The following CCNA1 variants were observed in gnomAD, a reference collection of about 807,000 sequenced individuals.
CCNA1 encodes cyclin A1.
CCNA1 carries 23 observed loss-of-function variants against 54.1 expected under a neutral mutation model. The observed-to-expected ratio is 0.42, with a 90% confidence interval of 0.31 to 0.60. CCNA1 has a LOEUF of 0.60. CCNA1 is among the 20% of genes least tolerant of loss of function. CCNA1 has a pLI of 0.14. For synonymous variants in CCNA1, 208 were observed against 213.9 expected, an observed-to-expected ratio of 0.97 and a Z score of 0.24; for missense variants, 450 against 556.7, an observed-to-expected ratio of 0.81 and a Z score of 1.93.
chr13:36,438,443 C>A (rs1441591403), intron 4 of CCNA1, among the ~76,000 whole-genome samples: 2 of 152,086 alleles, frequency 1.3e-5, no homozygotes, highest in Non-Finnish European at 2.9e-5. Flanking sequence ...CCCCTGCCCC[C>A]CCAACCCCAG....
In CCNA1 at chr13:36,437,777, G is replaced by C. The variant is rs2055824387; in HGVS notation, c.446G>C (p.Ser149Thr). 1 of 1,614,150 alleles carries C rather than the reference G, an allele frequency of 6.2e-7. No individual in the cohort carries two copies. The highest frequency in any genetic ancestry group is 8.5e-7 in the Non-Finnish European group (1 of 1,180,000). Residue 149 changes from serine (S) to threonine (T), a missense_variant, in exon 3 of 9, where the codon AGC becomes ACC. Transcript: ENST00000255465. ...GAACTAGAGCAGGGGGACAGAGACA[G>C]CTGCTCGGTCAGAGAGGGGATGGCA...
chr13:36,441,010 G>A, intron 6 of CCNA1, 108 bp from the exon 7 acceptor site: 1 of 569,078 alleles, frequency 1.8e-6, no homozygotes, highest in Non-Finnish European at 3.1e-6. Context: ...TTTTGTAGAT[G>A]CCGACTGAAC....
intron 7 of CCNA1, among the ~76,000 whole-genome samples, chr13:36,441,958 T>C (rs994867111): frequency 3.9e-5 from 6 of 152,146 alleles, no homozygotes; most frequent in African/African-American, 1.2e-4. Flanking sequence ...CAGCCCCAAA[T>C]TGAGCATTAT....
At position 36,441,174 on chromosome 13, in the gene CCNA1, A is replaced by C. The variant is rs180874885; in HGVS notation, c.1155A>C (p.Ser385=). The change falls in exon 7 of 9, where the codon TCA becomes TCC. Residue 385 remains serine, a synonymous_variant. Coordinates refer to ENST00000255465, the MANE Select transcript of CCNA1 (RefSeq NM_003914.4). Reference sequence around the variant, plus strand: ...ATCCATTCTTGAAATATCTTCCTTCACTGATAGCTGCAGCAGCTTTTTGCC... The same window carrying C: ...ATCCATTCTTGAAATATCTTCCTTCCCTGATAGCTGCAGCAGCTTTTTGCC... 3 of 1,613,356 alleles carry C rather than the reference A, an allele frequency of 1.9e-6. No homozygotes were observed. The highest frequency in any genetic ancestry group is 3.3e-5 in the Admixed American group (2 of 59,996).
chr13:36,437,580 T>C, intron 2 of CCNA1, 49 bp from the exon 3 acceptor site: 1 of 1,591,358 alleles, frequency 6.3e-7, no homozygotes, highest in Non-Finnish European at 8.6e-7. Flanking sequence ...TCACATTGCC[T>C]CTGTGGTCTT....
At position 36,441,104 on chromosome 13, in the gene CCNA1, TCTC is replaced by T; in HGVS notation, c.1099-13_1099-11del. 1 of 1,414,766 alleles carries T rather than the reference TCTC, an allele frequency of 7.1e-7. No individual in the cohort carries two copies. Among genetic ancestry groups the T allele is most frequent in the Non-Finnish European group, 9.9e-7 (1 of 1,010,362 alleles). The allele number at this position is 1,414,766 out of a possible 1,614,324, so 87.6% of individuals were successfully genotyped here. Reference sequence around the variant, plus strand: ...CATTTCTAATTCCAATGTGTTTTCTTCTCTTGTGCTTAGTACGTAGCAGAGCTG... The same window carrying T: ...CATTTCTAATTCCAATGTGTTTTCTTTTGTGCTTAGTACGTAGCAGAGCTG... On this transcript the variant is annotated splice_polypyrimidine_tract_variant and intron_variant, in intron 6 of 8. Transcript: ENST00000255465.
Position 36,438,669 on chromosome 13 carries a change from A to G in CCNA1, c.695A>G (p.Tyr232Cys). 2 of 1,613,970 alleles carry G rather than the reference A, an allele frequency of 1.2e-6. No homozygotes were observed. Among genetic ancestry groups the G allele is most frequent in the African/African-American group, 1.3e-5 (1 of 75,046 alleles). Residue 232 changes from tyrosine (Y) to cysteine (C), a missense_variant, in exon 5 of 9, where the codon TAC becomes TGC. Tyr to Cys is a radical substitution (Grantham distance 194). Coordinates refer to ENST00000255465, the MANE Select transcript of CCNA1 (RefSeq NM_003914.4). ...ATAAGGCACAGACCCAAAGCACACT[A>G]CATGAAGAAGCAGCCAGACATCACG...
rs955135160 is a variant in CCNA1 at position 36,442,832 on chromosome 13, G to A, written c.*167G>A. ...TTAGACTTTAGTAGTTTGTAATATAGTCCAACATTTTTTAAACAATAAACT... is the reference window on the plus strand; with the variant it reads ...TTAGACTTTAGTAGTTTGTAATATAATCCAACATTTTTTAAACAATAAACT... On this transcript the variant is annotated 3_prime_UTR_variant, in exon 9 of 9. Coordinates refer to ENST00000255465, the MANE Select transcript of CCNA1 (RefSeq NM_003914.4). The A allele has an allele frequency of 1.7e-6, 1 of 600,840 alleles. No individual in the cohort carries two copies. Among genetic ancestry groups the A allele is most frequent in the Non-Finnish European group, 2.9e-6 (1 of 341,228 alleles). 37.2% of individuals were successfully genotyped at this position (600,840 alleles called of 1,614,324 possible).
At position 36,442,717 on chromosome 13, in the gene CCNA1, ATAATC is replaced by A. The variant is rs1196958272; in HGVS notation, c.*53_*57del. 2 of 1,424,586 alleles carry A rather than the reference ATAATC, an allele frequency of 1.4e-6. No individual in the cohort carries two copies. Among genetic ancestry groups the A allele is most frequent in the Admixed American group, 1.7e-5 (1 of 59,096 alleles). The allele number at this position is 1,424,586 out of a possible 1,614,324, so 88.2% of individuals were successfully genotyped here. A position where few individuals can be genotyped will look rare whatever the true frequency, so the allele number is the denominator to read the frequency against. On this transcript the variant is annotated 3_prime_UTR_variant, in exon 9 of 9. Transcript: ENST00000255465. Reference sequence around the variant, plus strand: ...CTTCACCTCCATATCAGAAGTGCCAATAATCGTCATAGGCTTCTGCACGTTGGATC... The same window carrying A: ...CTTCACCTCCATATCAGAAGTGCCAAGTCATAGGCTTCTGCACGTTGGATC...
At chr13:36,440,528 A>G (rs1277735361) in intron 6 of CCNA1, among the ~76,000 whole-genome samples, 1 of 152,216 alleles carries the variant, frequency 6.6e-6, no homozygotes, top group Non-Finnish European at 1.5e-5. Context: ...TTTTAGTCTC[A>G]TCCTAATATA....
chr13:36,433,348 T>C, intron 2 of CCNA1, 127 bp downstream of exon 2: 1 of 456,278 alleles, frequency 2.2e-6, no homozygotes, highest in Non-Finnish European at 3.7e-6. Context: ...GAATCTGGAC[T>C]ACAGGAAAGT....
chr13:36,439,442 C>T (rs963836321), intron 5 of CCNA1, among the ~76,000 whole-genome samples: 8 of 152,038 alleles, frequency 5.3e-5, no homozygotes, highest in African/African-American at 1.2e-4. Flanking sequence ...GAAAAACTTG[C>T]CAAAATTCCC....
chr13:36,434,260 T>C (rs1049773209), intron 2 of CCNA1, among the ~76,000 whole-genome samples: 4 of 152,342 alleles, frequency 2.6e-5, no homozygotes, highest in East Asian at 3.9e-4. Context: ...TAACTGATCA[T>C]AGATACCTTA....
At chr13:36,434,929 A>G (rs886560811) in intron 2 of CCNA1, among the ~76,000 whole-genome samples, 1 of 148,436 alleles carries the variant, frequency 6.7e-6, no homozygotes, top group African/African-American at 2.5e-5. Flanking sequence ...TTTCTTTTCT[A>G]CTGGGCCAAA....
At position 36,441,219 on chromosome 13, in the gene CCNA1, C is replaced by T; in HGVS notation, c.1200C>T (p.Asn400=). Residue 400 remains asparagine, a synonymous_variant, in exon 7 of 9, where the codon AAC becomes AAT. Transcript: ENST00000255465. ...TTTGCCTGGCAAACTATACTGTGAACAAGCACTTTTGGGTAAGATTCTAAC... is the reference window on the plus strand; with the variant it reads ...TTTGCCTGGCAAACTATACTGTGAATAAGCACTTTTGGGTAAGATTCTAAC... The T allele has an allele frequency of 6.3e-7, 1 of 1,599,244 alleles. No individual in the cohort carries two copies. The highest frequency in any genetic ancestry group is 8.6e-7 in the Non-Finnish European group (1 of 1,166,826).
At chr13:36,441,068 G>T in intron 6 of CCNA1, 50 bp from the exon 7 acceptor site, 1 of 969,630 alleles carries the variant, frequency 1.0e-6, no homozygotes, top group Non-Finnish European at 1.6e-6. Flanking sequence ...GCTTACTTGT[G>T]ACCTTAGTCA....
At position 36,440,177 on chromosome 13, in the gene CCNA1, G is replaced by C; in HGVS notation, c.1092G>C (p.Leu364=). Residue 364 remains leucine (L), a synonymous_variant, in exon 6 of 9, where the codon CTG becomes CTC. Coordinates refer to ENST00000255465, the MANE Select transcript of CCNA1 (RefSeq NM_003914.4). Reference sequence around the variant, plus strand: ...GAGTGTGCGTCAGGACTGAGAACCTGGCTAAGGTGTGTATGCCGCGTGATT... The same window carrying C: ...GAGTGTGCGTCAGGACTGAGAACCTCGCTAAGGTGTGTATGCCGCGTGATT... The C allele has an allele frequency of 6.2e-7, 1 of 1,613,850 alleles. No individual in the cohort carries two copies. Among genetic ancestry groups the C allele is most frequent in the Non-Finnish European group, 8.5e-7 (1 of 1,179,736 alleles).
chr13:36,433,304 G>C (rs906188195), intron 2 of CCNA1, 83 bp downstream of exon 2: 9 of 1,035,836 alleles, frequency 8.7e-6, no homozygotes, highest in Non-Finnish European at 1.3e-5. Context: ...TCTTGCCCTT[G>C]TACCTACAAC....
In CCNA1 at chr13:36,433,443, G is replaced by GTTCGTTCT. The variant is rs1491577879; in HGVS notation, c.297+225_297+226insGTTCTTTC. Among the ~76,000 whole-genome samples, 416 of 53,806 alleles carry GTTCGTTCT rather than the reference G, an allele frequency of 7.7e-3. 15 individuals carry two copies. The highest frequency in any genetic ancestry group is 0.025 in the African/African-American group (403 of 16,130). 35.3% of individuals were successfully genotyped at this position (53,806 alleles called of 152,430 possible). A position where few individuals can be genotyped will look rare whatever the true frequency, so the allele number is the denominator to read the frequency against. ...CTTTCTTTCTTTCTTTCTTTCTTTCGTTCTTTCTTTCTTTCTTTTCTTTCT... is the reference window on the plus strand; with the variant it reads ...CTTTCTTTCTTTCTTTCTTTCTTTCGTTCGTTCTTTCTTTCTTTCTTTCTTTTCTTTCT... On this transcript the variant is annotated intron_variant, in intron 2 of 8. Transcript: ENST00000255465.
Sources: gnomAD v4.1 joint callset for allele counts (sites outside exome capture counted in the v4.1 genomes callset) on GRCh38, gnomAD v4.1.1 for gene constraint, MANE v1.5 for transcripts, NCBI Gene and HGNC (gene_info 2026-07-23, HGNC 2026-07-21) for gene names.